ESRRG: variants seen among roughly 807,000 people sequenced by gnomAD.
The protein encoded by ESRRG is estrogen-related receptor gamma.
ESRRG carries 13 observed loss-of-function variants against 44.0 expected under a neutral mutation model. That is an observed-to-expected ratio of 0.30 (90% CI 0.19 to 0.47). The LOEUF (loss-of-function observed/expected upper bound fraction) is 0.47. Among genes scored for constraint, ESRRG ranks in the 20% least tolerant of loss-of-function variants. The pLI, the probability that ESRRG is intolerant of heterozygous loss-of-function variation, is 1.00. For synonymous variants in ESRRG, 215 were observed against 214.6 expected (o/e 1.00, Z -0.02); for missense variants, 395 against 580.6 (o/e 0.68, Z 3.29).
chr1:216,889,465 G>A (rs2057478902), intron 2 of ESRRG, among the ~76,000 whole-genome samples: 1 of 152,160 alleles, frequency 6.6e-6, no homozygotes, highest in South Asian at 2.1e-4. Context: ...AGGACAAGGA[G>A]CATAGAAAGT....
intron 1 of ESRRG, among the ~76,000 whole-genome samples, chr1:216,959,991 C>A (rs532017739): frequency 6.6e-6 from 1 of 152,096 alleles, no homozygotes; most frequent in Non-Finnish European, 1.5e-5. Context: ...GTTTAAGTAA[C>A]TTGTTAAATT....
At chr1:216,819,558 G>T (rs751151334) in intron 2 of ESRRG, among the ~76,000 whole-genome samples, 1 of 151,928 alleles carries the variant, frequency 6.6e-6, no homozygotes, top group African/African-American at 2.4e-5. Flanking sequence ...CAGGGCAAAG[G>T]CTGAGTCTTT....
At chr1:216,612,369 G>A (rs888495599) in intron 3 of ESRRG, among the ~76,000 whole-genome samples, 28 of 151,314 alleles carry the variant, frequency 1.9e-4, no homozygotes, top group Non-Finnish European at 4.0e-4. Flanking sequence ...GGGAAGGAAG[G>A]AAGGGGCGGG....
chr1:217,020,955 A>G (rs1171555596), intron 1 of ESRRG, among the ~76,000 whole-genome samples: 1 of 152,074 alleles, frequency 6.6e-6, no homozygotes, highest in East Asian at 1.9e-4. Flanking sequence ...TGAGGATCAT[A>G]GTATGAGCTT....
intron 1 of ESRRG, among the ~76,000 whole-genome samples, chr1:217,125,669 T>C (rs80050477): frequency 0.044 from 6,674 of 152,282 alleles, 233 homozygotes; most frequent in Middle Eastern, 0.082. Context: ...ATGGCATATC[T>C]ATGGAACACC....
intron 1 of ESRRG, among the ~76,000 whole-genome samples, chr1:217,038,231 G>A (rs1482296490): frequency 6.6e-6 from 1 of 152,216 alleles, no homozygotes; most frequent in Non-Finnish European, 1.5e-5. Context: ...CCCTAGCAGA[G>A]GTTCTCCGTG....
At chr1:216,566,086 T>C (rs977455405) in intron 4 of ESRRG, among the ~76,000 whole-genome samples, 6 of 152,006 alleles carry the variant, frequency 3.9e-5, no homozygotes, top group African/African-American at 1.4e-4. Context: ...GAAATTCCCA[T>C]CATTCAGAAA....
chr1:216,731,936 T>C (rs925784533), intron 2 of ESRRG, among the ~76,000 whole-genome samples: 2 of 152,190 alleles, frequency 1.3e-5, no homozygotes, highest in East Asian at 1.9e-4. Flanking sequence ...TTAGTGAGAA[T>C]AGACATGGAT....
intron 1 of ESRRG, among the ~76,000 whole-genome samples, chr1:217,027,483 C>G (rs2150987054): frequency 6.6e-6 from 1 of 152,236 alleles, no homozygotes; most frequent in Admixed American, 6.5e-5. Context: ...ACCTCTATTT[C>G]TTCATAATGT....
At chr1:216,683,811 G>A (rs1048638078) in intron 1 of ESRRG, among the ~76,000 whole-genome samples, 1 of 152,086 alleles carries the variant, frequency 6.6e-6, no homozygotes, top group Non-Finnish European at 1.5e-5. Context: ...AGAGTTCAAT[G>A]GTCCTTTCTC....
intron 3 of ESRRG, among the ~76,000 whole-genome samples, chr1:216,608,908 A>G (rs2060265981): frequency 6.6e-6 from 1 of 152,224 alleles, no homozygotes; most frequent in South Asian, 2.1e-4. Flanking sequence ...AAGAGGAGGA[A>G]TTGTGTCTTC....
intron 1 of ESRRG, among the ~76,000 whole-genome samples, chr1:216,706,828 C>T (rs1206704164): frequency 6.6e-6 from 1 of 152,082 alleles, no homozygotes; most frequent in Non-Finnish European, 1.5e-5. Context: ...ATGTGAAAGA[C>T]AATAATTTTA....
chr1:216,965,678 G>T (rs541003413), intron 1 of ESRRG, among the ~76,000 whole-genome samples: 1 of 152,128 alleles, frequency 6.6e-6, no homozygotes, highest in Admixed American at 6.5e-5. Context: ...GAGGCCAAAG[G>T]GCAGCTATAT....
intron 3 of ESRRG, among the ~76,000 whole-genome samples, chr1:216,647,663 G>A (rs530031841): frequency 4.6e-5 from 7 of 152,152 alleles, no homozygotes; most frequent in South Asian, 4.2e-4. Flanking sequence ...TCCCACCAAC[G>A]CTCAGATATC....
At chr1:216,525,092 C>T (rs1415352638) in intron 5 of ESRRG, among the ~76,000 whole-genome samples, 1 of 152,176 alleles carries the variant, frequency 6.6e-6, no homozygotes, top group Admixed American at 6.5e-5. Context: ...CCTGGTTTTC[C>T]AATCAGCTTG....
intron 2 of ESRRG, among the ~76,000 whole-genome samples, chr1:216,937,037 T>G (rs991665792): frequency 1.3e-5 from 2 of 151,800 alleles, no homozygotes; most frequent in Non-Finnish European, 2.9e-5. Flanking sequence ...TAGGAGTGGG[T>G]TTTTCCCTTG....
At chr1:216,723,441 T>C (rs2086809470), upstream of ESRRG, 2 of 725,036 alleles carry the variant, frequency 2.8e-6, no homozygotes, top group Admixed American at 4.5e-5. Flanking sequence ...CACACTCTCC[T>C]AATCAAGGAC....
intron 2 of ESRRG, among the ~76,000 whole-genome samples, chr1:216,939,118 T>C (rs1356095275): frequency 6.6e-6 from 1 of 151,970 alleles, no homozygotes; most frequent in East Asian, 1.9e-4. Context: ...AAGAGAAGGA[T>C]CCCTATCTTA....
intron 2 of ESRRG, among the ~76,000 whole-genome samples, chr1:216,791,613 C>G (rs2094323014): frequency 6.6e-6 from 1 of 152,080 alleles, no homozygotes; most frequent in Non-Finnish European, 1.5e-5. Flanking sequence ...ATAGACCCTC[C>G]CACACTCACA....
Sources: gnomAD v4.1 joint callset for allele counts (sites outside exome capture counted in the v4.1 genomes callset) on GRCh38, gnomAD v4.1.1 for gene constraint, MANE v1.5 for transcripts, NCBI Gene and HGNC (gene_info 2026-07-23, HGNC 2026-07-21) for gene names.